The following RBM20 variants were observed in gnomAD, a reference collection of about 807,000 sequenced individuals.
The protein encoded by RBM20 is RNA binding motif protein 20.
Under a neutral mutation model 110.1 loss-of-function variants are expected in RBM20, and 51 were observed. The observed-to-expected ratio is 0.46, with a 90% CI of 0.37 to 0.59. RBM20 has a LOEUF of 0.59. Ranked by LOEUF, RBM20 falls within the 20% of genes least tolerant of loss-of-function variation. The pLI is 0.00. For synonymous variants in RBM20, 589 were observed against 618.2 expected, an observed-to-expected ratio of 0.95 and a Z score of 0.70; for missense variants, 1,512 against 1,574.9, an observed-to-expected ratio of 0.96 and a Z score of 0.68.
At chr10:110,788,238 C>T (rs929276347) in intron 5 of RBM20, among the ~76,000 whole-genome samples, 5 of 152,170 alleles carry the variant, frequency 3.3e-5, no homozygotes, top group Admixed American at 6.5e-5. Context: ...CCCCACAAGC[C>T]GCTTGGGAGG....
At chr10:110,780,750 G>T in intron 1 of RBM20, 51 bp from the exon 2 acceptor site, 2 of 1,466,908 alleles carry the variant, frequency 1.4e-6, no homozygotes, top group Admixed American at 2.5e-5. Context: ...ACAGCCCCTT[G>T]CCCCCCTCAT....
intron 1 of RBM20, among the ~76,000 whole-genome samples, chr10:110,744,484 G>C (rs1343332216): frequency 6.6e-6 from 1 of 152,206 alleles, no homozygotes; most frequent in Non-Finnish European, 1.5e-5. Flanking sequence ...TTTGAACATT[G>C]GTTCCCAAAG....
chr10:110,755,121 T>A (rs1843905604), intron 1 of RBM20, among the ~76,000 whole-genome samples: 1 of 152,190 alleles, frequency 6.6e-6, no homozygotes. Context: ...CCTCTCTTGC[T>A]TTGCTCAGGT....
At chr10:110,723,245 T>C (rs1390674392) in intron 1 of RBM20, among the ~76,000 whole-genome samples, 4 of 152,098 alleles carry the variant, frequency 2.6e-5, no homozygotes, top group Admixed American at 1.3e-4. Flanking sequence ...AAGTAAACGG[T>C]TATATATTCA....
rs1844032884 is a variant in RBM20 at position 110,763,332 on chromosome 10, TA to T, written c.192-17468del. On this transcript the variant is annotated intron_variant, in intron 1 of 13. Coordinates refer to ENST00000369519, the MANE Select transcript of RBM20 (RefSeq NM_001134363.3). ...TCTCCTCCAAGGGGCTAAGTTAAAA[TA>T]GGAGAATCTAGTAAGCCTCAATCAC... Among the ~76,000 whole-genome samples the T allele has an allele frequency of 2.0e-5, 3 of 152,004 alleles. No homozygotes were observed. In the South Asian group the frequency reaches 6.3e-4, roughly 32 times the overall value.
intron 1 of RBM20, among the ~76,000 whole-genome samples, chr10:110,711,329 CAAAAAAAAAAAAAA>C (rs1157753270): frequency 3.2e-4 from 9 of 28,402 alleles, no homozygotes; most frequent in East Asian, 1.0e-3. Flanking sequence ...GACTCCATCT[CAAAAAAAAAAAAAA>C]AAAAAAAAAA....
chr10:110,714,846 G>T (rs1486542735), intron 1 of RBM20, among the ~76,000 whole-genome samples: 2 of 152,184 alleles, frequency 1.3e-5, no homozygotes, highest in African/African-American at 4.8e-5. Flanking sequence ...GGCTTGAATT[G>T]TCTCCTGGTC....
In RBM20 at chr10:110,812,513, C is replaced by A. The variant is rs373797219; in HGVS notation, c.2116C>A (p.Pro706Thr). ...AGATGACAAGAGGGACAGGATGGAC[C>A]CCTGGGCACATGATCGCAAACACCA... Reference protein sequence around the residue: ...NGDDKRDRMDPWAHDRKHHPR... With the variant: ...NGDDKRDRMDTWAHDRKHHPR... Residue 706 changes from proline (P) to threonine (T), a missense_variant, in exon 9 of 14, where the codon CCC (proline) becomes ACC (threonine). Physicochemically the swap from Pro to Thr is conservative, Grantham distance 38. Around this residue, in one of 3 missense-constraint regions of RBM20, gnomAD observed 1,149 missense variants for 1,169.4 expected, o/e 0.98. Coordinates refer to ENST00000369519, the MANE Select transcript of RBM20 (RefSeq NM_001134363.3). 1.3e-4 allele frequency: 204 copies of A among 1,551,568 alleles called. No individual in the cohort carries two copies. Among genetic ancestry groups the A allele is most frequent in the Non-Finnish European group, 1.7e-4 (198 of 1,146,992 alleles).
intron 1 of RBM20, among the ~76,000 whole-genome samples, chr10:110,780,222 G>T (rs1478712221): frequency 6.6e-6 from 1 of 152,182 alleles, no homozygotes; most frequent in Non-Finnish European, 1.5e-5. Flanking sequence ...ATTTTATTAT[G>T]TTGGTGTATC....
intron 1 of RBM20, among the ~76,000 whole-genome samples, chr10:110,768,466 A>C (rs1229516287): frequency 6.6e-6 from 1 of 152,260 alleles, no homozygotes; most frequent in Non-Finnish European, 1.5e-5. Flanking sequence ...TGGCTTATTT[A>C]TAAAGCCCCA....
At chr10:110,766,162 G>T in intron 1 of RBM20, among the ~76,000 whole-genome samples, 1 of 152,142 alleles carries the variant, frequency 6.6e-6, no homozygotes, top group Non-Finnish European at 1.5e-5. Context: ...CTCAGCCAAG[G>T]CAGTTTTCAA....
At chr10:110,705,092 T>C (rs1048007357) in intron 1 of RBM20, among the ~76,000 whole-genome samples, 2 of 152,206 alleles carry the variant, frequency 1.3e-5, no homozygotes, top group Non-Finnish European at 2.9e-5. Flanking sequence ...AAAAGTTCGA[T>C]TGTTGGCCAA....
At chr10:110,774,214 G>A (rs1844231803) in intron 1 of RBM20, among the ~76,000 whole-genome samples, 1 of 152,168 alleles carries the variant, frequency 6.6e-6, no homozygotes, top group African/African-American at 2.4e-5. Context: ...AGCTAATGAA[G>A]TGAGAACACT....
At chr10:110,735,863 C>T (rs1843665301) in intron 1 of RBM20, among the ~76,000 whole-genome samples, 1 of 152,116 alleles carries the variant, frequency 6.6e-6, no homozygotes, top group Non-Finnish European at 1.5e-5. Flanking sequence ...GGTATTTGTT[C>T]AGGATTGCTG....
At chr10:110,717,893 C>T (rs944879691) in intron 1 of RBM20, among the ~76,000 whole-genome samples, 2 of 152,242 alleles carry the variant, frequency 1.3e-5, no homozygotes, top group African/African-American at 4.8e-5. Context: ...GAGCCTCATT[C>T]TCAAGCAACC....
chr10:110,831,368 C>G lies in RBM20; in HGVS notation c.3573+186C>G, dbSNP rs1845049807. On this transcript the variant is annotated intron_variant, in intron 13 of 13. Coordinates refer to ENST00000369519, the MANE Select transcript of RBM20 (RefSeq NM_001134363.3). ...GGCTGTTTTCTGCTTCTGTGTCTGT[C>G]TCCTTCCACTACATGGAAAACCCCT... The G allele has an allele frequency of 7.0e-6, 4 of 567,468 alleles. No individual in the cohort carries two copies. In the South Asian group the frequency reaches 1.0e-4, roughly 15 times the overall value. 35.2% of individuals were successfully genotyped at this position (567,468 alleles called of 1,614,324 possible).
chr10:110,729,683 C>G (rs1843600207), intron 1 of RBM20, among the ~76,000 whole-genome samples: 1 of 152,164 alleles, frequency 6.6e-6, no homozygotes, highest in Non-Finnish European at 1.5e-5. Flanking sequence ...AGAACACTGG[C>G]CCTTGTACCC....
At chr10:110,699,666 G>A (rs1163181346) in intron 1 of RBM20, among the ~76,000 whole-genome samples, 2 of 151,878 alleles carry the variant, frequency 1.3e-5, no homozygotes, top group African/African-American at 2.4e-5. Context: ...TCCTTTATAC[G>A]GTGGTCCCCC....
chr10:110,688,654 A>C (rs1440103572), intron 1 of RBM20, among the ~76,000 whole-genome samples: 1 of 152,218 alleles, frequency 6.6e-6, no homozygotes, highest in Non-Finnish European at 1.5e-5. Flanking sequence ...CAATAATTTT[A>C]GATTTACTAA....
Sources: gnomAD v4.1 joint callset for allele counts (sites outside exome capture counted in the v4.1 genomes callset) on GRCh38, gnomAD v4.1.1 for gene constraint, gnomAD v4.1.1 regional missense constraint, MANE v1.5 for transcripts, NCBI Gene and HGNC (gene_info 2026-07-23, HGNC 2026-07-21) for gene names.